NOX4: variants seen among roughly 807,000 people sequenced by gnomAD.
NOX4 encodes kidney oxidase-1.
Under a neutral mutation model 87.6 loss-of-function variants are expected in NOX4, and 69 were observed. That is an observed-to-expected ratio of 0.79 (90% CI 0.65 to 0.96). NOX4 has a LOEUF of 0.96. NOX4 is among the 40% of genes least tolerant of loss of function. The pLI is 0.00. For missense variants in NOX4, 680 were observed against 681.5 expected (o/e 1.00, Z 0.02); for synonymous variants, 275 against 238.2 (o/e 1.15, Z -1.42).
intron 8 of NOX4, among the ~76,000 whole-genome samples, chr11:89,404,384 AAC>A (rs1203037463): frequency 6.6e-6 from 1 of 152,142 alleles, no homozygotes; most frequent in Non-Finnish European, 1.5e-5. Context: ...TTCAGACTTC[AAC>A]AGAGTCAAAT....
intron 13 of NOX4, among the ~76,000 whole-genome samples, chr11:89,346,836 C>T (rs1459321166): frequency 6.6e-6 from 1 of 152,160 alleles, no homozygotes; most frequent in African/African-American, 2.4e-5. Flanking sequence ...TAAGCAGTGC[C>T]TCAGTTTTAC....
At chr11:89,414,297 A>G (rs1487944770) in intron 8 of NOX4, among the ~76,000 whole-genome samples, 1 of 152,066 alleles carries the variant, frequency 6.6e-6, no homozygotes, top group Non-Finnish European at 1.5e-5. Flanking sequence ...CCATTATCAA[A>G]TTCATCCCAC....
chr11:89,424,121 C>T (rs1270966235), intron 7 of NOX4, among the ~76,000 whole-genome samples: 1 of 151,624 alleles, frequency 6.6e-6, no homozygotes, highest in Non-Finnish European at 1.5e-5. Context: ...CTTTATAGTA[C>T]ACAGTCTTTA....
At chr11:89,444,052 C>T in intron 5 of NOX4, 83 bp downstream of exon 5, 4 of 1,208,402 alleles carry the variant, frequency 3.3e-6, no homozygotes, top group Non-Finnish European at 4.9e-6. Flanking sequence ...CAGTAAGGTA[C>T]AAATTTTCAG....
At chr11:89,433,204 T>G (rs1345747783) in intron 6 of NOX4, among the ~76,000 whole-genome samples, 2 of 152,070 alleles carry the variant, frequency 1.3e-5, no homozygotes, top group Non-Finnish European at 2.9e-5. Flanking sequence ...TCTAGCTATT[T>G]GAAAGCATAT....
chr11:89,571,297 C>T, the NOX4 span, among the ~76,000 whole-genome samples: 1 of 137,242 alleles, frequency 7.3e-6, no homozygotes, highest in Non-Finnish European at 1.5e-5. Context: ...ATTTTTTCTT[C>T]TCTGATTTAT....
rs1163284365 is a variant in NOX4, at chr11:89,455,744, A to ATATATATATATATATATATATATG, written c.154-3850_154-3849insCATATATATATATATATATATATA. ...CATATATATATATATATATATATAT[A>ATATATATATATATATATATATATG]TGAAACAAAAAGCAGGCACTTCAAG... On this transcript the variant is annotated intron_variant, in intron 2 of 17. Transcript: ENST00000263317. Among the ~76,000 whole-genome samples, 225 of 146,698 alleles carry ATATATATATATATATATATATATG rather than the reference A, an allele frequency of 1.5e-3. 1 individual carries two copies. Among genetic ancestry groups the ATATATATATATATATATATATATG allele is most frequent in the African/African-American group, 5.6e-3 (214 of 38,204 alleles).
At chr11:89,548,868 A>G in the NOX4 span, 1 of 152,174 alleles carries the variant, frequency 6.6e-6, no homozygotes, top group Non-Finnish European at 1.5e-5. Context: ...TGGAGACACC[A>G]GCAGGAGAAA....
intron 2 of NOX4, among the ~76,000 whole-genome samples, chr11:89,452,975 T>C (rs1280111250): frequency 6.6e-6 from 1 of 152,096 alleles, no homozygotes; most frequent in Non-Finnish European, 1.5e-5. Context: ...ACCCAGGAGC[T>C]TGAGGCTGCA....
intron 7 of NOX4, among the ~76,000 whole-genome samples, chr11:89,432,360 TAAATA>T (rs1278497404): frequency 8.6e-5 from 13 of 151,572 alleles, no homozygotes; most frequent in Admixed American, 4.6e-4. Context: ...AATAAAAAAA[TAAATA>T]AAATAAAATA....
chr11:89,384,466 A>G (rs528316270), intron 11 of NOX4, among the ~76,000 whole-genome samples: 96 of 152,242 alleles, frequency 6.3e-4, no homozygotes, highest in Non-Finnish European at 1.2e-3. Context: ...CCAGCTGATC[A>G]TGTCTGGCTA....
At chr11:89,529,923 GT>G in the NOX4 span, among the ~76,000 whole-genome samples, 1 of 152,208 alleles carries the variant, frequency 6.6e-6, no homozygotes, top group Non-Finnish European at 1.5e-5. Context: ...CAATTTTGAA[GT>G]TATTGCTTTA....
rs1175034926 is a variant in NOX4, at chr11:89,325,427, A to C, written c.*1329T>G. On this transcript the variant is annotated 3_prime_UTR_variant, in exon 18 of 18. Coordinates refer to ENST00000263317, the MANE Select transcript of NOX4 (RefSeq NM_016931.5). ...TGAGCCATGAATGCCTTAATTCTTA[A>C]GATAGTAATGGGAAATATTGTTCTG... 1 of 152,104 alleles carries C rather than the reference A, an allele frequency of 6.6e-6. No homozygotes were observed. The highest frequency in any genetic ancestry group is 1.5e-5 in the Non-Finnish European group (1 of 68,032). 9.4% of individuals were successfully genotyped at this position (152,104 alleles called of 1,614,324 possible).
intron 14 of NOX4, among the ~76,000 whole-genome samples, chr11:89,341,125 T>TA (rs1565176672): frequency 1.0e-5 from 1 of 95,746 alleles, no homozygotes; most frequent in African/African-American, 5.2e-5. Context: ...CAATTTCACC[T>TA]TTTTTTTTTT....
intron 2 of NOX4, among the ~76,000 whole-genome samples, chr11:89,472,170 A>C (rs1945974108): frequency 6.6e-6 from 1 of 152,204 alleles, no homozygotes; most frequent in Non-Finnish European, 1.5e-5. Context: ...TTTAAAAAAA[A>C]TTCTGAAAAT....
At chr11:89,347,523 A>G (rs1438127090) in intron 13 of NOX4, among the ~76,000 whole-genome samples, 3 of 152,226 alleles carry the variant, frequency 2.0e-5, no homozygotes, top group African/African-American at 4.8e-5. Context: ...TCAAAGCAAC[A>G]TTAGAAGGAA....
intron 12 of NOX4, among the ~76,000 whole-genome samples, chr11:89,372,213 AC>A (rs1411889000): frequency 1.3e-5 from 2 of 151,510 alleles, no homozygotes; most frequent in African/African-American, 4.8e-5. Flanking sequence ...GCCTTTAAGT[AC>A]CTTCAAGTCT....
chr11:89,354,222 CT>C (rs1364799973), intron 13 of NOX4, among the ~76,000 whole-genome samples: 2 of 152,050 alleles, frequency 1.3e-5, no homozygotes, highest in African/African-American at 4.8e-5. Flanking sequence ...TTTATTTATT[CT>C]TTAGCCTGTT....
intron 11 of NOX4, among the ~76,000 whole-genome samples, chr11:89,384,353 A>C (rs1245687440): frequency 6.6e-6 from 1 of 152,136 alleles, no homozygotes; most frequent in Non-Finnish European, 1.5e-5. Flanking sequence ...CTGTACTGCC[A>C]CAAGGCTTCA....
Sources: allele counts gnomAD v4.1 joint callset (sites outside exome capture counted in the v4.1 genomes callset), GRCh38; gene constraint gnomAD v4.1.1; transcripts MANE v1.5; gene names NCBI Gene and HGNC (gene_info 2026-07-23, HGNC 2026-07-21).